SCHIP1: variants seen among roughly 807,000 people sequenced by gnomAD.
SCHIP1 encodes schwannomin interacting protein 1.
In SCHIP1, 8 loss-of-function variants were observed where a neutral mutation model predicts 29.7. The ratio of observed to expected loss-of-function variants is 0.27; its 90% confidence interval spans 0.16 to 0.49. The LOEUF is 0.49. SCHIP1 is among the 20% of genes least tolerant of loss of function. The pLI is 0.99. For synonymous variants in SCHIP1, 76 were observed against 94.9 expected (o/e 0.80, Z 1.16); for missense variants, 193 against 294.6 (o/e 0.66, Z 2.52).
chr3:159,711,345 A>G, the SCHIP1 span, among the ~76,000 whole-genome samples: 3 of 65,574 alleles, frequency 4.6e-5, no homozygotes, highest in South Asian at 1.8e-3. Flanking sequence ...TGGGCGACAG[A>G]GCGAGACTCC....
chr3:159,688,595 T>C, the SCHIP1 span, among the ~76,000 whole-genome samples: 1,553 of 152,254 alleles, frequency 0.01, 10 homozygotes, highest in Non-Finnish European at 0.014. Flanking sequence ...GAAGCTCTTT[T>C]GTTTAATTAG....
At chr3:159,394,740 C>T in the SCHIP1 span, among the ~76,000 whole-genome samples, 1 of 152,164 alleles carries the variant, frequency 6.6e-6, no homozygotes, top group Admixed American at 6.5e-5. Flanking sequence ...AGGATTTTTG[C>T]ATCAATATTC....
the SCHIP1 span, among the ~76,000 whole-genome samples, chr3:159,393,790 G>T: frequency 6.6e-6 from 1 of 151,520 alleles, no homozygotes; most frequent in Non-Finnish European, 1.5e-5. Flanking sequence ...TTGACTTGGC[G>T]ATGCGGGCTC....
At chr3:159,662,619 G>A in the SCHIP1 span, among the ~76,000 whole-genome samples, 5 of 152,096 alleles carry the variant, frequency 3.3e-5, no homozygotes, top group South Asian at 8.3e-4. Flanking sequence ...TTCTTGGGGG[G>A]AAAGAACAAG....
chr3:159,789,250 A>G, the SCHIP1 span, among the ~76,000 whole-genome samples: 511 of 152,230 alleles, frequency 3.4e-3, 1 homozygote, highest in African/African-American at 0.012. Context: ...CTTGAGTCTA[A>G]AGGCTGTCTG....
chr3:159,769,220 G>A, the SCHIP1 span, among the ~76,000 whole-genome samples: 1 of 137,984 alleles, frequency 7.2e-6, no homozygotes, highest in Non-Finnish European at 1.5e-5. Flanking sequence ...CAGGACCTTA[G>A]TGCATCACTG....
chr3:159,520,891 G>T, the SCHIP1 span, among the ~76,000 whole-genome samples: 14 of 151,986 alleles, frequency 9.2e-5, no homozygotes, highest in Non-Finnish European at 1.6e-4. Flanking sequence ...TAGACATTTT[G>T]GTTATTTCAA....
chr3:159,286,239 A>T, the SCHIP1 span, among the ~76,000 whole-genome samples: 1 of 152,050 alleles, frequency 6.6e-6, no homozygotes, highest in Non-Finnish European at 1.5e-5. Context: ...TCCAGCTTCA[A>T]GTAGGCCCTG....
the SCHIP1 span, chr3:159,274,060 C>A: frequency 1.0e-6 from 1 of 982,332 alleles, no homozygotes; most frequent in African/African-American, 1.7e-5. Context: ...GAAAAAAATA[C>A]TTTCTCATTG....
At chr3:159,505,075 G>C in the SCHIP1 span, among the ~76,000 whole-genome samples, 2 of 152,258 alleles carry the variant, frequency 1.3e-5, no homozygotes, top group Non-Finnish European at 1.5e-5. Flanking sequence ...AGCAAGGTGC[G>C]TTTGCTCATA....
At chr3:159,459,626 T>C in the SCHIP1 span, among the ~76,000 whole-genome samples, 1 of 152,106 alleles carries the variant, frequency 6.6e-6, no homozygotes, top group African/African-American at 2.4e-5. Context: ...AAAGTAAGAC[T>C]AAAACTCAGG....
At chr3:159,722,606 T>C in the SCHIP1 span, among the ~76,000 whole-genome samples, 2 of 152,202 alleles carry the variant, frequency 1.3e-5, no homozygotes, top group African/African-American at 2.4e-5. Context: ...CATGTGTATG[T>C]GTATGTGTGT....
chr3:159,407,314 G>T, the SCHIP1 span, among the ~76,000 whole-genome samples: 1 of 152,174 alleles, frequency 6.6e-6, no homozygotes, highest in Non-Finnish European at 1.5e-5. Context: ...TAATGATAAA[G>T]GGGTCAATTC....
At chr3:159,436,254 A>C in the SCHIP1 span, among the ~76,000 whole-genome samples, 2 of 152,196 alleles carry the variant, frequency 1.3e-5, no homozygotes, top group Non-Finnish European at 1.5e-5. Context: ...CGAAGTGTGC[A>C]TGAAAAGTAG....
chr3:159,845,218 T>C (rs938475081), intron 1 of SCHIP1, among the ~76,000 whole-genome samples: 4 of 152,218 alleles, frequency 2.6e-5, no homozygotes, highest in Non-Finnish European at 5.9e-5. Flanking sequence ...TGCAGGCTAA[T>C]GCAGCTTTCA....
the SCHIP1 span, among the ~76,000 whole-genome samples, chr3:159,576,053 C>T: frequency 5.9e-5 from 9 of 152,062 alleles, no homozygotes; most frequent in Admixed American, 5.3e-4. Flanking sequence ...CTATGATAAA[C>T]TCACTGATGT....
At chr3:159,830,782 C>T in the SCHIP1 span, among the ~76,000 whole-genome samples, 1 of 152,182 alleles carries the variant, frequency 6.6e-6, no homozygotes, top group Non-Finnish European at 1.5e-5. Flanking sequence ...CCAGAAGTCA[C>T]AGGCCAAATT....
the SCHIP1 span, among the ~76,000 whole-genome samples, chr3:159,343,205 G>T: frequency 6.6e-6 from 1 of 152,126 alleles, no homozygotes; most frequent in Admixed American, 6.5e-5. Flanking sequence ...CATAGCAAGG[G>T]TTTAAACTCA....
chr3:159,473,987 A>G, the SCHIP1 span, among the ~76,000 whole-genome samples: 3 of 152,086 alleles, frequency 2.0e-5, no homozygotes, highest in Non-Finnish European at 4.4e-5. Flanking sequence ...TTTTCATTCC[A>G]AAATGCAGGT....
Sources: allele counts gnomAD v4.1 joint callset (sites outside exome capture counted in the v4.1 genomes callset), GRCh38; gene constraint gnomAD v4.1.1; transcripts MANE v1.5; gene names NCBI Gene and HGNC (gene_info 2026-07-23, HGNC 2026-07-21).